The following CMSS1 variants were observed in gnomAD, a reference collection of about 807,000 sequenced individuals.
CMSS1 encodes the protein protein CMSS1.
In CMSS1, 33 loss-of-function variants were observed where a neutral mutation model predicts 43.5. That is an observed-to-expected ratio of 0.76 (90% confidence interval 0.57 to 1.01). CMSS1 has a LOEUF of 1.01. CMSS1 is among the 50% of genes least tolerant of loss of function. The pLI is 0.00. For synonymous variants in CMSS1, 115 were observed against 117.2 expected (o/e 0.98, Z 0.12); for missense variants, 313 against 326.4 (o/e 0.96, Z 0.32).
intron 1 of CMSS1, among the ~76,000 whole-genome samples, chr3:99,984,060 T>TGTGTGTGTGTGTGTGTGTGTGTTTG (rs1559714079): frequency 8.0e-5 from 2 of 24,978 alleles, no homozygotes; most frequent in Admixed American, 4.1e-4. Flanking sequence ...GTATGTGTGT[T>TGTGTGTGTGTGTGTGTGTGTGTTTG]TGTGTGTGTG....
rs555204233 is a variant in CMSS1 at position 99,826,104 on chromosome 3, T to A, written c.64+8061T>A. Among the ~76,000 whole-genome samples the A allele has an allele frequency of 3.3e-5, 5 of 152,310 alleles. No individual in the cohort carries two copies. The South Asian group carries it at 1.0e-3, about 32-fold the overall frequency. ...GCACAAGTCTTTTATCTGTTGTTAA[T>A]CTGATGTTATTTAGTGGAACACTTC... On this transcript the variant is annotated intron_variant, in intron 1 of 9. Transcript: ENST00000421999.
intron 1 of CMSS1, among the ~76,000 whole-genome samples, chr3:100,127,106 A>G (rs1336274016): frequency 6.6e-6 from 1 of 152,218 alleles, no homozygotes; most frequent in Non-Finnish European, 1.5e-5. Flanking sequence ...TCAAATCTGT[A>G]AATTGCTGAC....
chr3:99,966,341 T>C lies in CMSS1; in HGVS notation c.64+148298T>C, dbSNP rs146629095. 4.5e-3 allele frequency among the ~76,000 whole-genome samples: 686 copies of C among 152,202 alleles called. 7 individuals are homozygous for C. Among genetic ancestry groups the C allele is most frequent in the African/African-American group, 0.016 (672 of 41,540 alleles). ...CCAGTAGCCCTTCCTTTCTGTTTCTTTCATAGCCCCACTGCTCCATCTGAA... is the reference window on the plus strand; with the variant it reads ...CCAGTAGCCCTTCCTTTCTGTTTCTCTCATAGCCCCACTGCTCCATCTGAA... On this transcript the variant is annotated intron_variant, in intron 1 of 9. Transcript: ENST00000421999.
intron 3 of CMSS1, among the ~76,000 whole-genome samples, chr3:100,160,745 C>T (rs977690444): frequency 6.6e-6 from 1 of 152,056 alleles, no homozygotes; most frequent in Non-Finnish European, 1.5e-5. Flanking sequence ...TGTTACCCAC[C>T]CTATGTTTTC....
At chr3:100,024,954 A>G (rs1351283656) in intron 1 of CMSS1, among the ~76,000 whole-genome samples, 2 of 152,196 alleles carry the variant, frequency 1.3e-5, no homozygotes, top group Non-Finnish European at 2.9e-5. Context: ...CTGCTGCCAA[A>G]GGTAAAAAAT....
At chr3:100,153,267 T>C (rs192982599) in intron 2 of CMSS1, among the ~76,000 whole-genome samples, 41 of 152,374 alleles carry the variant, frequency 2.7e-4, no homozygotes, top group African/African-American at 8.7e-4. Flanking sequence ...TAATTTTGCC[T>C]ATTCTAAAAT....
intron 2 of CMSS1, among the ~76,000 whole-genome samples, chr3:100,156,880 G>T (rs567635529): frequency 6.6e-6 from 1 of 152,300 alleles, no homozygotes; most frequent in African/African-American, 2.4e-5. Flanking sequence ...CTCCCAAAGT[G>T]CTGGGATTAC....
chr3:99,998,680 A>T (rs1709753506), intron 1 of CMSS1, among the ~76,000 whole-genome samples: 1 of 152,190 alleles, frequency 6.6e-6, no homozygotes, highest in African/African-American at 2.4e-5. Context: ...CTCCCGCCTC[A>T]GCCTCCCCAG....
chr3:100,067,915 C>T (rs1458483827), intron 1 of CMSS1, among the ~76,000 whole-genome samples: 1 of 152,040 alleles, frequency 6.6e-6, no homozygotes, highest in African/African-American at 2.4e-5. Flanking sequence ...CAAAGCTTTC[C>T]CTACCCTACC....
At chr3:100,087,579 GTTTT>G (rs1246856420) in intron 1 of CMSS1, among the ~76,000 whole-genome samples, 1 of 151,752 alleles carries the variant, frequency 6.6e-6, no homozygotes, top group East Asian at 1.9e-4. Context: ...TTGTTTAATT[GTTTT>G]CTTATTATTG....
intron 2 of CMSS1, among the ~76,000 whole-genome samples, chr3:100,152,264 GCTT>G (rs904249018): frequency 2.7e-5 from 4 of 149,870 alleles, no homozygotes; most frequent in Non-Finnish European, 5.9e-5. Flanking sequence ...AATGCAGCCT[GCTT>G]CTTGACAGAA....
At chr3:100,126,634 G>A (rs2066664262) in intron 1 of CMSS1, among the ~76,000 whole-genome samples, 1 of 152,008 alleles carries the variant, frequency 6.6e-6, no homozygotes, top group African/African-American at 2.4e-5. Context: ...AACCTTGTAA[G>A]CTGCCTTAAA....
chr3:100,091,849 T>G (rs908720321), intron 1 of CMSS1, among the ~76,000 whole-genome samples: 1 of 152,230 alleles, frequency 6.6e-6, no homozygotes, highest in African/African-American at 2.4e-5. Flanking sequence ...TTGTTCCGAT[T>G]CCACGTTGGG....
chr3:100,149,964 A>G (rs1306213172), intron 2 of CMSS1, among the ~76,000 whole-genome samples: 1 of 151,698 alleles, frequency 6.6e-6, no homozygotes, highest in Non-Finnish European at 1.5e-5. Context: ...ATTTCCCAAC[A>G]CAATTCCCTC....
intron 1 of CMSS1, among the ~76,000 whole-genome samples, chr3:99,825,775 C>CTT (rs897686337): frequency 7.8e-4 from 95 of 121,564 alleles, no homozygotes; most frequent in South Asian, 1.6e-3. Flanking sequence ...TTTTCTTTTT[C>CTT]TTTTTTTTTT....
At chr3:100,035,352 C>T (rs1226475434) in intron 1 of CMSS1, among the ~76,000 whole-genome samples, 1 of 152,186 alleles carries the variant, frequency 6.6e-6, no homozygotes, top group African/African-American at 2.4e-5. Context: ...TGGCTCACTG[C>T]AACCCCCGCC....
At chr3:99,992,496 C>CT (rs1165910122) in intron 1 of CMSS1, among the ~76,000 whole-genome samples, 1 of 151,852 alleles carries the variant, frequency 6.6e-6, no homozygotes, top group Non-Finnish European at 1.5e-5. Context: ...TTTTTGCCTA[C>CT]TTTTAAATGG....
At chr3:100,125,434 TGC>T (rs1296600500) in intron 1 of CMSS1, among the ~76,000 whole-genome samples, 1 of 152,232 alleles carries the variant, frequency 6.6e-6, no homozygotes, top group Non-Finnish European at 1.5e-5. Context: ...TCTGGCTGTC[TGC>T]TTCCTTCCAT....
chr3:100,034,115 T>C (rs1490363162), intron 1 of CMSS1, among the ~76,000 whole-genome samples: 1 of 152,206 alleles, frequency 6.6e-6, no homozygotes, highest in Non-Finnish European at 1.5e-5. Flanking sequence ...TCATCATCCA[T>C]TGAAATTGAC....
Sources: allele counts gnomAD v4.1 joint callset (sites outside exome capture counted in the v4.1 genomes callset), GRCh38; gene constraint gnomAD v4.1.1; transcripts MANE v1.5; gene names NCBI Gene and HGNC (gene_info 2026-07-23, HGNC 2026-07-21).